Variants in NOTCH1 observed in about 807,000 individuals in gnomAD.
NOTCH1 encodes notch receptor 1, also known as neurogenic locus notch homolog protein 1.
In NOTCH1, 37 loss-of-function variants were observed where a neutral mutation model predicts 254.8. The observed-to-expected ratio is 0.15, with a 90% CI of 0.11 to 0.19. NOTCH1 has a LOEUF of 0.19. Ranked by LOEUF, NOTCH1 falls within the 10% of genes least tolerant of loss-of-function variation. The probability of loss-of-function intolerance (pLI) is 1.00; values close to 1 mark genes in which losing one functional copy is unlikely to be tolerated. For missense variants in NOTCH1, 2,972 were observed against 3,708.6 expected, an observed-to-expected ratio of 0.80 and a Z score of 5.16; for synonymous variants, 1,731 against 1,618.1, an observed-to-expected ratio of 1.07 and a Z score of -1.68.
intron 33 of NOTCH1, 44 bp downstream of exon 33, chr9:136,498,855 A>T (rs9632944): frequency 6.2e-7 from 1 of 1,603,738 alleles, no homozygotes; most frequent in South Asian, 1.1e-5. Flanking sequence ...TTCTCTGTGG[A>T]TTCAGCCCTC....
In NOTCH1 at chr9:136,514,504, G is replaced by A. The variant is rs545872006; in HGVS notation, c.2207+6C>T. 1.7e-5 allele frequency: 27 copies of A among 1,568,100 alleles called. No homozygotes were observed. The highest frequency in any genetic ancestry group is 1.6e-4 in the African/African-American group (12 of 74,450). On this transcript the variant is annotated splice_donor_region_variant and intron_variant, in intron 13 of 33. Coordinates refer to ENST00000651671, the MANE Select transcript of NOTCH1 (RefSeq NM_017617.5). ...ATGTGTCCCCATGATCGGCCCCGCC[G>A]CATACCCGTTGAGGCTGTCCCGGCA...
chr9:136,520,488 C>T (rs1278041659), intron 4 of NOTCH1, among the ~76,000 whole-genome samples: 1 of 152,164 alleles, frequency 6.6e-6, no homozygotes, highest in Non-Finnish European at 1.5e-5. Context: ...AATCCCGGCA[C>T]TTTGGGAGGC....
chr9:136,530,764 G>A (rs1489002735), intron 2 of NOTCH1, among the ~76,000 whole-genome samples: 1 of 152,224 alleles, frequency 6.6e-6, no homozygotes, highest in Admixed American at 6.5e-5. Flanking sequence ...AGGCCAAGAT[G>A]GTCATGACAC....
At chr9:136,525,328 G>GC (rs552079043) in intron 2 of NOTCH1, among the ~76,000 whole-genome samples, 2,163 of 151,896 alleles carry the variant, frequency 0.014, 23 homozygotes, top group African/African-American at 0.027. Flanking sequence ...CGCAGAGCCT[G>GC]CCCCCCCCAG....
At chr9:136,532,936 T>C (rs993628660) in intron 2 of NOTCH1, among the ~76,000 whole-genome samples, 2 of 152,118 alleles carry the variant, frequency 1.3e-5, no homozygotes, top group Non-Finnish European at 2.9e-5. Context: ...CCCACCTGCC[T>C]CCACCTCCAT....
chr9:136,538,600 G>C (rs1178018331), intron 2 of NOTCH1, among the ~76,000 whole-genome samples: 1 of 152,252 alleles, frequency 6.6e-6, no homozygotes, highest in African/African-American at 2.4e-5. Flanking sequence ...GCTCGTTAAA[G>C]CTGCTGGTAT....
intron 2 of NOTCH1, among the ~76,000 whole-genome samples, chr9:136,536,593 T>C (rs1427721429): frequency 2.6e-5 from 4 of 152,188 alleles, no homozygotes; most frequent in Non-Finnish European, 5.9e-5. Flanking sequence ...GCCGCTCCTT[T>C]GGTCTGGAGC....
intron 2 of NOTCH1, among the ~76,000 whole-genome samples, chr9:136,530,347 T>C (rs1843540133): frequency 1.3e-5 from 2 of 152,214 alleles, no homozygotes; most frequent in Admixed American, 6.5e-5. Context: ...GGGAAACCCT[T>C]TGTGTGGGAG....
rs777022162 is a variant in NOTCH1 at position 136,497,508 on chromosome 9, G to C, written c.6231C>G (p.Ala2077=). Residue 2077 remains alanine, a synonymous_variant, in exon 34 of 34, where the codon GCC becomes GCG. Coordinates refer to ENST00000651671, the MANE Select transcript of NOTCH1 (RefSeq NM_017617.5). ...LAAREGSYET[A]KVLLDHFANR... ...TGGCAAAGTGGTCCAGCAGCACCTT[G>C]GCGGTCTCGTAGCTGCCCTCCCGGG... The C allele has an allele frequency of 1.2e-6, 2 of 1,611,246 alleles. No homozygotes were observed. Among genetic ancestry groups the C allele is most frequent in the East Asian group, 2.2e-5 (1 of 44,848 alleles).
In NOTCH1 at chr9:136,497,573, CG is replaced by C; in HGVS notation, c.6181-16del. On this transcript the variant is annotated splice_polypyrimidine_tract_variant and intron_variant, in intron 33 of 33. Transcript: ENST00000651671. ...GGTGTCTCCTCCTGGGGGATGAGGG[CG>C]GGGGCCGGTGAGGGGGGCCAGGCCA... is the stretch of plus-strand genomic sequence containing the variant. The C allele has an allele frequency of 7.9e-7, 1 of 1,269,932 alleles. No homozygotes were observed. Among genetic ancestry groups the C allele is most frequent in the Non-Finnish European group, 1.1e-6 (1 of 932,024 alleles). The allele number at this position is 1,269,932 out of a possible 1,614,324, so 78.7% of individuals were successfully genotyped here.
intron 2 of NOTCH1, among the ~76,000 whole-genome samples, chr9:136,526,359 G>A (rs938318982): frequency 4.9e-4 from 74 of 152,338 alleles, no homozygotes; most frequent in African/African-American, 1.7e-3. Flanking sequence ...TTTCCCAGCC[G>A]CTGAAGTCGG....
At chr9:136,514,261 CT>C (rs1738278549) in intron 13 of NOTCH1, among the ~76,000 whole-genome samples, 1 of 152,262 alleles carries the variant, frequency 6.6e-6, no homozygotes, top group Admixed American at 6.5e-5. Flanking sequence ...TCCAGGGTCA[CT>C]GTGGGCCTGT....
chr9:136,539,299 CCA>C (rs1042406495), intron 2 of NOTCH1, among the ~76,000 whole-genome samples: 2 of 152,270 alleles, frequency 1.3e-5, no homozygotes, highest in Admixed American at 6.5e-5. Flanking sequence ...GGCTCCCACC[CCA>C]GTCTCCGCCC....
At chr9:136,537,665 G>A (rs1843675544) in intron 2 of NOTCH1, among the ~76,000 whole-genome samples, 1 of 152,234 alleles carries the variant, frequency 6.6e-6, no homozygotes. Context: ...GCATGGTGGT[G>A]CACACCTGTG....
intron 12 of NOTCH1, among the ~76,000 whole-genome samples, 171 bp downstream of exon 12, chr9:136,515,119 C>T (rs919662501): frequency 5.3e-5 from 8 of 152,244 alleles, no homozygotes; most frequent in East Asian, 1.9e-4. Context: ...GGGGACCCAT[C>T]GTGCTGCCAG....
At position 136,515,691 on chromosome 9, in the gene NOTCH1, C is replaced by T. The variant is rs1381513529; in HGVS notation, c.1695G>A (p.Val565=). The change falls in exon 11 of 34, where the codon GTG becomes GTA. Residue 565 remains valine (V), a synonymous_variant. Transcript: ENST00000651671. The stretch of plus-strand genomic sequence containing the variant: ...GGTCGGGGTCGCACTCATCGATGTC[C>T]ACCTCGCAGTGCGTCCCCGTGTACC... ...TEGYTGTHCE[V]DIDECDPDPC... is the part of the protein sequence containing the mutation. 2.6e-6 allele frequency: 4 copies of T among 1,549,776 alleles called. No homozygotes were observed. The highest frequency in any genetic ancestry group is 2.2e-4 in the Middle Eastern group (1 of 4,590).
intron 22 of NOTCH1, 50 bp downstream of exon 22, chr9:136,507,255 T>C (rs779452935): frequency 2.0e-5 from 32 of 1,612,220 alleles, no homozygotes; most frequent in Middle Eastern, 1.7e-4. Flanking sequence ...GCCCTGCCCC[T>C]GCCCTGGCCA....
rs139424575 is a variant in NOTCH1, at chr9:136,519,198, C to T, written c.865+245G>A. Among the ~76,000 whole-genome samples the T allele has an allele frequency of 7.1e-3, 1,085 of 152,344 alleles. 8 individuals carry two copies. Among genetic ancestry groups the T allele is most frequent in the South Asian group, 0.032 (156 of 4,828 alleles). ...CACTGGGCACAGGGGCTGCCTGGAG[C>T]CAGGTTGCAAACGGCCCACACAGAC... On this transcript the variant is annotated intron_variant, in intron 5 of 33. Transcript: ENST00000651671.
chr9:136,508,061 G>A lies in NOTCH1; in HGVS notation c.3404C>T (p.Ala1135Val), dbSNP rs370300490. The change falls in exon 21 of 34, where the codon GCG becomes GTG. Residue 1135 changes from alanine (A) to valine (V), a missense_variant. By Grantham distance (64) the Ala-to-Val change is moderately conservative. This residue lies in a region of NOTCH1 where 1,343 missense variants were observed against 1,557.0 expected (regional missense o/e 0.86). Coordinates refer to ENST00000651671, the MANE Select transcript of NOTCH1 (RefSeq NM_017617.5). ...AGNTHHCRCQAGYTGSYCEDL... is the reference protein window; with the variant it reads ...AGNTHHCRCQVGYTGSYCEDL... ...CTCACAGTAGCTGCCTGTGTAGCCC[G>A]CCTGGCAGCGGCAGTGGTGCGTGTT... 46 of 1,611,116 alleles carry A rather than the reference G, an allele frequency of 2.9e-5. No homozygotes were observed. The highest frequency in any genetic ancestry group is 5.3e-5 in the African/African-American group (4 of 74,934).
Sources: allele counts gnomAD v4.1 joint callset (sites outside exome capture counted in the v4.1 genomes callset), GRCh38; gene constraint gnomAD v4.1.1; regional missense constraint gnomAD v4.1.1; transcripts MANE v1.5; gene names NCBI Gene and HGNC (gene_info 2026-07-23, HGNC 2026-07-21).